Variants in GPC5 observed in about 807,000 individuals in gnomAD.
The protein encoded by GPC5 is glypican 5, also known as glypican-5.
In GPC5, 47 loss-of-function variants were observed where a neutral mutation model predicts 53.9. The ratio of observed to expected loss-of-function variants is 0.87; its 90% CI spans 0.69 to 1.11. The LOEUF is 1.11. GPC5 is among the 50% of genes most tolerant of loss of function. The pLI, the probability that GPC5 is intolerant of heterozygous loss-of-function variation, is 0.00. For synonymous variants in GPC5, 286 were observed against 263.3 expected, an observed-to-expected ratio of 1.09 and a Z score of -0.84; for missense variants, 748 against 713.1, an observed-to-expected ratio of 1.05 and a Z score of -0.56.
chr13:92,181,103 C>G, intron 7 of GPC5, among the ~76,000 whole-genome samples: 1 of 152,160 alleles, frequency 6.6e-6, no homozygotes, highest in Non-Finnish European at 1.5e-5. Flanking sequence ...ACTACTCTTT[C>G]CTGATAGTCC....
At chr13:91,628,618 A>G (rs116009568) in intron 2 of GPC5, among the ~76,000 whole-genome samples, 3,525 of 152,296 alleles carry the variant, frequency 0.023, 141 homozygotes, top group African/African-American at 0.079. Flanking sequence ...GAATTCAGAC[A>G]GTACTTGATA....
chr13:91,418,420 T>G (rs929059417), intron 1 of GPC5, among the ~76,000 whole-genome samples: 2 of 152,072 alleles, frequency 1.3e-5, no homozygotes, highest in East Asian at 3.9e-4. Flanking sequence ...GGATCAGCAT[T>G]TAGATTGTAG....
intron 7 of GPC5, among the ~76,000 whole-genome samples, chr13:92,305,980 G>C (rs1435943772): frequency 6.6e-6 from 1 of 152,202 alleles, no homozygotes; most frequent in Non-Finnish European, 1.5e-5. Context: ...GGTACTGTCA[G>C]TTATTTCAAA....
At chr13:92,188,882 C>T (rs908576765) in intron 7 of GPC5, among the ~76,000 whole-genome samples, 1 of 152,184 alleles carries the variant, frequency 6.6e-6, no homozygotes, top group Non-Finnish European at 1.5e-5. Context: ...GCCAACAGTC[C>T]TTCTTAGCTC....
At chr13:92,341,603 A>G (rs1435013730) in intron 7 of GPC5, among the ~76,000 whole-genome samples, 2 of 152,070 alleles carry the variant, frequency 1.3e-5, no homozygotes, top group East Asian at 1.9e-4. Context: ...GATGTAGTAA[A>G]ATAAAGTTTG....
chr13:92,430,942 G>T (rs1877057381), intron 7 of GPC5, among the ~76,000 whole-genome samples: 1 of 152,018 alleles, frequency 6.6e-6, no homozygotes, highest in Non-Finnish European at 1.5e-5. Flanking sequence ...TTCTAACATG[G>T]CAAGTAAAGC....
chr13:92,189,909 A>G (rs1195157385), intron 7 of GPC5, among the ~76,000 whole-genome samples: 1 of 152,176 alleles, frequency 6.6e-6, no homozygotes, highest in African/African-American at 2.4e-5. Flanking sequence ...CTGAAAAGCA[A>G]AAGAAGGAAA....
chr13:91,525,844 G>A (rs559217598), intron 2 of GPC5, among the ~76,000 whole-genome samples: 2 of 152,310 alleles, frequency 1.3e-5, no homozygotes, highest in Admixed American at 1.3e-4. Flanking sequence ...GTAAAGGAAA[G>A]TAAATGATCT....
chr13:92,795,216 G>A (rs545376846), intron 7 of GPC5, among the ~76,000 whole-genome samples: 87 of 151,868 alleles, frequency 5.7e-4, no homozygotes, highest in African/African-American at 1.8e-3. Flanking sequence ...GACAGAGGCC[G>A]CATAAATAAC....
At chr13:92,090,690 A>C (rs977304387) in intron 6 of GPC5, among the ~76,000 whole-genome samples, 2 of 152,210 alleles carry the variant, frequency 1.3e-5, no homozygotes, top group Non-Finnish European at 2.9e-5. Context: ...CTCTTCCTCT[A>C]ACTACTTTTA....
chr13:91,414,112 C>T lies in GPC5; in HGVS notation c.163+14903C>T, dbSNP rs920810558. Among the ~76,000 whole-genome samples, 18 of 152,280 alleles carry T rather than the reference C, an allele frequency of 1.2e-4. No homozygotes were observed. The East Asian group carries it at 3.5e-3, about 29-fold the overall frequency. ...CCTCAATGATATAGTTTGGCTGTGT[C>T]CCCACTCAAATCTCATTTTGAATTG... On this transcript the variant is annotated intron_variant, in intron 1 of 7. Transcript: ENST00000377067.
intron 5 of GPC5, among the ~76,000 whole-genome samples, chr13:91,857,837 C>A (rs185280337): frequency 1.3e-4 from 20 of 151,588 alleles, no homozygotes; most frequent in African/African-American, 4.3e-4. Flanking sequence ...AGAATACTTA[C>A]ATAATTTTGT....
At chr13:92,373,790 ATT>A (rs1266871266) in intron 7 of GPC5, among the ~76,000 whole-genome samples, 2 of 152,184 alleles carry the variant, frequency 1.3e-5, no homozygotes, top group Non-Finnish European at 2.9e-5. Flanking sequence ...AGCTAGTTTC[ATT>A]TTACTCTTTC....
At chr13:92,175,329 A>G (rs1485063331) in intron 7 of GPC5, among the ~76,000 whole-genome samples, 3 of 152,352 alleles carry the variant, frequency 2.0e-5, no homozygotes, top group East Asian at 3.9e-4. Context: ...TTTTGTATCT[A>G]TACATATATA....
chr13:92,252,156 C>CT (rs2042696862), intron 7 of GPC5, among the ~76,000 whole-genome samples: 1 of 152,100 alleles, frequency 6.6e-6, no homozygotes, highest in Non-Finnish European at 1.5e-5. Context: ...TGACACATGA[C>CT]TGGCCTCTGT....
At chr13:92,650,323 A>G (rs548351057) in intron 7 of GPC5, among the ~76,000 whole-genome samples, 100 of 152,268 alleles carry the variant, frequency 6.6e-4, no homozygotes, top group African/African-American at 2.3e-3. Flanking sequence ...ATATAATCAT[A>G]TAAGGAAAGT....
In GPC5 at chr13:91,995,337, T is replaced by A. The variant is rs542588701; in HGVS notation, c.1401+87280T>A. On this transcript the variant is annotated intron_variant, in intron 6 of 7. Transcript: ENST00000377067. ...ATTTCCTTATCCATTTCGAATTTTG[T>A]AAAATTATTTTTTATTATTGACTGG... is the stretch of plus-strand genomic sequence containing the variant. 4.6e-5 allele frequency: 7 copies of A among 152,338 alleles called. 1 individual carries two copies. In the South Asian group the frequency reaches 1.4e-3, roughly 32 times the overall value. 9.4% of individuals were successfully genotyped at this position (152,338 alleles called of 1,614,324 possible).
chr13:91,479,649 T>C (rs1010419694), intron 2 of GPC5, among the ~76,000 whole-genome samples: 8 of 152,196 alleles, frequency 5.3e-5, no homozygotes, highest in African/African-American at 1.9e-4. Flanking sequence ...TTTTGGCTTC[T>C]TGGTAGGAAA....
At chr13:92,825,747 G>C (rs1480828293) in intron 7 of GPC5, among the ~76,000 whole-genome samples, 1 of 151,834 alleles carries the variant, frequency 6.6e-6, no homozygotes, top group Non-Finnish European at 1.5e-5. Context: ...TTCTTTCATT[G>C]TTCTTTATAT....
Sources: allele counts gnomAD v4.1 joint callset (sites outside exome capture counted in the v4.1 genomes callset), GRCh38; gene constraint gnomAD v4.1.1; transcripts MANE v1.5; gene names NCBI Gene and HGNC (gene_info 2026-07-23, HGNC 2026-07-21).